The following ZNF804B variants were observed in gnomAD, a reference collection of about 807,000 sequenced individuals.
The protein encoded by ZNF804B is zinc finger protein 804B, also known as zinc finger 804B.
Under a neutral mutation model 101.4 loss-of-function variants are expected in ZNF804B, and 80 were observed. The observed-to-expected ratio is 0.79, with a 90% CI of 0.66 to 0.95. The LOEUF is 0.95. ZNF804B is among the 40% of genes least tolerant of loss of function. The pLI is 0.00. For synonymous variants in ZNF804B, 622 were observed against 558.8 expected (o/e 1.11, Z -1.59); for missense variants, 1,673 against 1,561.9 (o/e 1.07, Z -1.20).
intron 1 of ZNF804B, among the ~76,000 whole-genome samples, chr7:89,188,468 G>C (rs1788407374): frequency 6.6e-6 from 1 of 151,994 alleles, no homozygotes; most frequent in South Asian, 2.1e-4. Flanking sequence ...AAGTGTTTAA[G>C]AAATAGGAAA....
At chr7:89,005,822 T>A (rs2116181553) in intron 1 of ZNF804B, among the ~76,000 whole-genome samples, 1 of 152,252 alleles carries the variant, frequency 6.6e-6, no homozygotes, top group East Asian at 1.9e-4. Flanking sequence ...CCTTAGAAAC[T>A]TATTCTTTCA....
intron 1 of ZNF804B, among the ~76,000 whole-genome samples, chr7:88,784,818 T>C (rs1172370094): frequency 6.6e-6 from 1 of 152,212 alleles, no homozygotes; most frequent in Non-Finnish European, 1.5e-5. Flanking sequence ...ATTGATGTTG[T>C]TGAGTATTCT....
intron 1 of ZNF804B, among the ~76,000 whole-genome samples, chr7:89,074,770 G>GA (rs976494791): frequency 6.6e-6 from 1 of 152,150 alleles, no homozygotes; most frequent in African/African-American, 2.4e-5. Context: ...AAGAAGACAG[G>GA]AAAATATGGA....
intron 2 of ZNF804B, among the ~76,000 whole-genome samples, chr7:89,229,124 G>A (rs572347529): frequency 6.6e-6 from 1 of 152,164 alleles, no homozygotes. Context: ...ACACCTCCCC[G>A]CAAGCTGAGG....
At chr7:88,868,289 G>T (rs948320539) in intron 1 of ZNF804B, among the ~76,000 whole-genome samples, 1 of 151,824 alleles carries the variant, frequency 6.6e-6, no homozygotes, top group Admixed American at 6.6e-5. Context: ...AGTCCTCCTT[G>T]CTGCTCATTG....
At chr7:88,853,761 A>G (rs1791479715) in intron 1 of ZNF804B, among the ~76,000 whole-genome samples, 2 of 152,072 alleles carry the variant, frequency 1.3e-5, no homozygotes, top group East Asian at 1.9e-4. Flanking sequence ...AATTTCACCA[A>G]TGTATAATAA....
chr7:88,968,751 G>A (rs551817380), intron 1 of ZNF804B, among the ~76,000 whole-genome samples: 2 of 151,678 alleles, frequency 1.3e-5, no homozygotes, highest in African/African-American at 4.8e-5. Context: ...GGACTGATGA[G>A]AACTAAACTG....
intron 2 of ZNF804B, among the ~76,000 whole-genome samples, chr7:89,309,913 C>G (rs936576257): frequency 3.3e-5 from 5 of 151,628 alleles, no homozygotes; most frequent in African/African-American, 4.8e-5. Context: ...TCCACTCTCT[C>G]TCCTCACGGA....
At chr7:88,857,093 C>G (rs538453020) in intron 1 of ZNF804B, among the ~76,000 whole-genome samples, 1 of 152,150 alleles carries the variant, frequency 6.6e-6, no homozygotes, top group Non-Finnish European at 1.5e-5. Context: ...ACCAGAATCT[C>G]TGGGACACAT....
At chr7:89,078,740 G>T (rs1789648906) in intron 1 of ZNF804B, among the ~76,000 whole-genome samples, 1 of 149,362 alleles carries the variant, frequency 6.7e-6, no homozygotes, top group Non-Finnish European at 1.5e-5. Context: ...TTTCTCCTCT[G>T]TAAGGGATTA....
intron 1 of ZNF804B, among the ~76,000 whole-genome samples, chr7:89,088,971 C>T (rs973048272): frequency 1.3e-5 from 2 of 151,942 alleles, no homozygotes; most frequent in Non-Finnish European, 2.9e-5. Context: ...TTCCACCTCC[C>T]TTGCCACATT....
intron 1 of ZNF804B, among the ~76,000 whole-genome samples, chr7:88,921,632 C>G (rs1792720802): frequency 6.6e-6 from 1 of 152,012 alleles, no homozygotes; most frequent in African/African-American, 2.4e-5. Flanking sequence ...ATTCTTAATT[C>G]ATTTGCTTCC....
At chr7:88,838,002 T>C (rs1327228735) in intron 1 of ZNF804B, among the ~76,000 whole-genome samples, 1 of 151,830 alleles carries the variant, frequency 6.6e-6, no homozygotes, top group East Asian at 1.9e-4. Context: ...TTCAACTTTT[T>C]CTTTTATGAG....
intron 1 of ZNF804B, among the ~76,000 whole-genome samples, chr7:88,856,358 C>A (rs999901531): frequency 3.3e-5 from 5 of 152,132 alleles, no homozygotes; most frequent in Admixed American, 1.3e-4. Flanking sequence ...ATTTTATTCT[C>A]TTTGAAGCAA....
chr7:88,834,946 T>C (rs4413701), intron 1 of ZNF804B, among the ~76,000 whole-genome samples: 1 of 151,500 alleles, frequency 6.6e-6, no homozygotes, highest in African/African-American at 2.4e-5. Context: ...CCAGCCCTCT[T>C]TGGATTTCTG....
chr7:89,004,223 T>C (rs1234206872), intron 1 of ZNF804B, among the ~76,000 whole-genome samples: 1 of 151,874 alleles, frequency 6.6e-6, no homozygotes, highest in Non-Finnish European at 1.5e-5. Context: ...TTAGCCATCA[T>C]AATTAAAACA....
intron 1 of ZNF804B, among the ~76,000 whole-genome samples, chr7:89,015,511 A>G (rs1004630555): frequency 2.8e-5 from 4 of 142,684 alleles, no homozygotes; most frequent in Non-Finnish European, 6.1e-5. Context: ...AACAGTCCCC[A>G]GAGTGTAATG....
intron 1 of ZNF804B, among the ~76,000 whole-genome samples, chr7:88,951,901 A>C (rs1230924847): frequency 1.3e-5 from 2 of 151,900 alleles, no homozygotes; most frequent in Non-Finnish European, 2.9e-5. Context: ...ACACTAAAAA[A>C]ATTGATTTCA....
At chr7:89,117,117 C>T (rs747825426) in intron 1 of ZNF804B, among the ~76,000 whole-genome samples, 2 of 152,122 alleles carry the variant, frequency 1.3e-5, no homozygotes, top group Non-Finnish European at 2.9e-5. Context: ...GTAGCCATTA[C>T]AAGCTGGAAG....
Sources: allele counts gnomAD v4.1 joint callset (sites outside exome capture counted in the v4.1 genomes callset), GRCh38; gene constraint gnomAD v4.1.1; transcripts MANE v1.5; gene names NCBI Gene and HGNC (gene_info 2026-07-23, HGNC 2026-07-21).